The following ANK2 variants were observed in gnomAD, a reference collection of about 807,000 sequenced individuals.
ANK2 encodes ankyrin-2.
In ANK2, 83 loss-of-function variants were observed where a neutral mutation model predicts 360.5. That is an observed-to-expected ratio of 0.23 (90% CI 0.19 to 0.28). ANK2 has a LOEUF of 0.28. Among genes scored for constraint, ANK2 ranks in the 10% least tolerant of loss-of-function variants. The pLI is 1.00. For synonymous variants in ANK2, 1,740 were observed against 1,759.5 expected, an observed-to-expected ratio of 0.99 and a Z score of 0.28; for missense variants, 4,201 against 4,795.7, an observed-to-expected ratio of 0.88 and a Z score of 3.66.
chr4:113,108,276 A>G (rs1192966054), intron 1 of ANK2, among the ~76,000 whole-genome samples: 2 of 152,086 alleles, frequency 1.3e-5, no homozygotes, highest in Non-Finnish European at 2.9e-5. Context: ...TTCCTCCCCA[A>G]TCTTTTTGAT....
intron 2 of ANK2, among the ~76,000 whole-genome samples, chr4:113,182,535 G>A (rs557697711): frequency 3.2e-4 from 48 of 152,290 alleles, no homozygotes; most frequent in South Asian, 1.7e-3. Flanking sequence ...AGGAAGATGA[G>A]AAGCCATCAA....
intron 23 of ANK2, among the ~76,000 whole-genome samples, chr4:113,309,498 TTTTG>T (rs895904916): frequency 1.3e-5 from 2 of 152,072 alleles, no homozygotes; most frequent in East Asian, 1.9e-4. Flanking sequence ...GAGGTGGTTT[TTTTG>T]TTTGTTTGTT....
intron 4 of ANK2, among the ~76,000 whole-genome samples, chr4:113,206,850 TGCATC>T (rs962147857): frequency 6.6e-6 from 1 of 152,124 alleles, no homozygotes; most frequent in African/African-American, 2.4e-5. Flanking sequence ...ATGGTGAAAC[TGCATC>T]TGTACTAAAA....
the ANK2 span, among the ~76,000 whole-genome samples, chr4:112,736,205 GTAATCCC>G: frequency 6.6e-6 from 1 of 152,150 alleles, no homozygotes; most frequent in South Asian, 2.1e-4. Context: ...GCTCATGCCT[GTAATCCC>G]AGCAGTTTGG....
chr4:112,864,723 C>CT lies in ANK2; in HGVS notation c.-39-39729dup, dbSNP rs1242812259. 2.6e-5 allele frequency among the ~76,000 whole-genome samples: 4 copies of CT among 151,650 alleles called. No homozygotes were observed. In the East Asian group the frequency reaches 5.9e-4, roughly 22 times the overall value. On this transcript the variant is annotated intron_variant, in intron 1 of 30. Transcript: ENST00000503271. The stretch of plus-strand genomic sequence containing the variant: ...GCAACGAAGTGCTATGATGATGGCA[C>CT]TTTGAGTGGCTGTTAAGAGTAGAAA...
At chr4:112,877,394 G>C (rs915349628) in intron 1 of ANK2, among the ~76,000 whole-genome samples, 2 of 152,108 alleles carry the variant, frequency 1.3e-5, no homozygotes, top group Admixed American at 1.3e-4. Context: ...CTGTCATCCA[G>C]CCTAGAGTGC....
intron 1 of ANK2, among the ~76,000 whole-genome samples, chr4:113,114,621 G>A (rs2094584795): frequency 6.6e-6 from 1 of 151,996 alleles, no homozygotes; most frequent in Non-Finnish European, 1.5e-5. Context: ...TAATTTTCCT[G>A]GCATTAGAAA....
At chr4:112,810,795 A>AC in the ANK2 span, among the ~76,000 whole-genome samples, 1 of 151,316 alleles carries the variant, frequency 6.6e-6, no homozygotes, top group African/African-American at 2.4e-5. Context: ...CAGGTGATCC[A>AC]CCCCCTCGGC....
chr4:113,097,877 C>CATAT (rs1491243355), intron 1 of ANK2, among the ~76,000 whole-genome samples: 2 of 131,776 alleles, frequency 1.5e-5, no homozygotes, highest in Admixed American at 7.5e-5. Flanking sequence ...TATATATATG[C>CATAT]ACACACACAC....
chr4:112,820,620 G>C (rs914659783), intron 1 of ANK2, among the ~76,000 whole-genome samples: 3 of 152,152 alleles, frequency 2.0e-5, no homozygotes, highest in Non-Finnish European at 4.4e-5. Context: ...TTTTAAATTA[G>C]AGACAGGTTC....
At chr4:113,028,503 G>A (rs1429407612) in intron 2 of ANK2, among the ~76,000 whole-genome samples, 1 of 152,112 alleles carries the variant, frequency 6.6e-6, no homozygotes, top group Non-Finnish European at 1.5e-5. Flanking sequence ...TCAGGAAGCT[G>A]ATACACTAAA....
chr4:112,969,122 T>A (rs2038481223), intron 2 of ANK2, among the ~76,000 whole-genome samples: 4 of 152,176 alleles, frequency 2.6e-5, no homozygotes. Flanking sequence ...TTCTAGGAGG[T>A]ATTTTCCAAA....
chr4:112,947,130 G>A (rs1368521237), intron 2 of ANK2, among the ~76,000 whole-genome samples: 1 of 152,042 alleles, frequency 6.6e-6, no homozygotes, highest in Non-Finnish European at 1.5e-5. Flanking sequence ...TTCTCTTTGG[G>A]GGTAGGAACC....
In ANK2 at chr4:113,336,797, C is replaced by T; in HGVS notation, c.3796+16C>T. ...AGCATAACAGGTGAGTCACATATGA[C>T]TGTGTTCGTAGAGAGTTCTGAAAAA... On this transcript the variant is annotated intron_variant, in intron 31 of 45. Transcript: ENST00000357077. 6.2e-7 allele frequency: 1 copy of T among 1,611,638 alleles called. No homozygotes were observed. The highest frequency in any genetic ancestry group is 8.5e-7 in the Non-Finnish European group (1 of 1,177,760).
At chr4:113,287,556 A>C in intron 18 of ANK2, 49 bp from the exon 19 acceptor site, 1 of 1,296,628 alleles carries the variant, frequency 7.7e-7, no homozygotes. Context: ...AGATGATGCA[A>C]TGTATTTTCT....
intron 4 of ANK2, among the ~76,000 whole-genome samples, chr4:113,208,417 T>A (rs2098980162): frequency 6.6e-6 from 1 of 152,016 alleles, no homozygotes; most frequent in African/African-American, 2.4e-5. Flanking sequence ...ATAGTGTCAA[T>A]AGATCTCTCC....
intron 1 of ANK2, among the ~76,000 whole-genome samples, chr4:112,903,257 A>T (rs1337409307): frequency 6.6e-6 from 1 of 152,226 alleles, no homozygotes; most frequent in Non-Finnish European, 1.5e-5. Context: ...AACCACTGGT[A>T]TAAGGCAGTG....
At chr4:113,320,130 A>G (rs778328868) in intron 26 of ANK2, among the ~76,000 whole-genome samples, 2 of 152,228 alleles carry the variant, frequency 1.3e-5, no homozygotes, top group African/African-American at 2.4e-5. Flanking sequence ...AAGTACCTCA[A>G]TTACACCCCA....
At chr4:113,313,738 A>G (rs1381834734) in intron 24 of ANK2, 1 of 132,066 alleles carries the variant, frequency 7.6e-6, no homozygotes, top group Admixed American at 9.0e-5. Flanking sequence ...TCCTAGATTT[A>G]TCCACATTTC....
Sources: gnomAD v4.1 joint callset for allele counts (sites outside exome capture counted in the v4.1 genomes callset) on GRCh38, gnomAD v4.1.1 for gene constraint, MANE v1.5 for transcripts, NCBI Gene and HGNC (gene_info 2026-07-23, HGNC 2026-07-21) for gene names.